HAT1: variants seen among roughly 807,000 people sequenced by gnomAD.
HAT1 encodes histone acetyltransferase type B catalytic subunit.
A neutral mutation model predicts 56.6 loss-of-function variants in HAT1; 20 were observed. The observed-to-expected ratio is 0.35, with a 90% CI of 0.25 to 0.51. The LOEUF is 0.51. Ranked by LOEUF, HAT1 falls within the 20% of genes least tolerant of loss-of-function variation. HAT1 has a pLI of 0.95. For missense variants in HAT1, 408 were observed against 504.3 expected (o/e 0.81, Z 1.83); for synonymous variants, 146 against 165.5 (o/e 0.88, Z 0.91).
intron 3 of HAT1, among the ~76,000 whole-genome samples, chr2:171,947,611 G>T (rs10176718): frequency 6.6e-5 from 10 of 152,206 alleles, no homozygotes; most frequent in Admixed American, 2.0e-4. Context: ...AGGCGCAGTG[G>T]CTCATGCCTG....
At position 171,952,886 on chromosome 2, in the gene HAT1, C is replaced by A; in HGVS notation, c.194C>A (p.Thr65Asn). 19 of 1,577,624 alleles carry A rather than the reference C, an allele frequency of 1.2e-5. No homozygotes were observed. The highest frequency in any genetic ancestry group is 1.6e-5 in the Non-Finnish European group (19 of 1,162,306). Reference sequence around the variant, plus strand: ...TGCTATTTTTTCCATTTCAGTGAAACTGCTTTTGGTTACAAGGGTCTAAAG... The same window carrying A: ...TGCTATTTTTTCCATTTCAGTGAAAATGCTTTTGGTTACAAGGGTCTAAAG... ...YTHQLFGDDE[T>N]AFGYKGLKIL... Residue 65 changes from threonine to asparagine, a missense_variant, in exon 4 of 11, where the codon ACT becomes AAT. Transcript: ENST00000264108.
intron 6 of HAT1, 176 bp from the exon 7 acceptor site, chr2:171,966,232 AG>A: frequency 3.1e-6 from 2 of 637,192 alleles, no homozygotes; most frequent in Non-Finnish European, 5.7e-6. Flanking sequence ...GATTTATCCA[AG>A]TTGCTGCACA....
intron 2 of HAT1, among the ~76,000 whole-genome samples, chr2:171,938,850 C>T (rs1382421884): frequency 2.0e-5 from 3 of 152,034 alleles, no homozygotes; most frequent in East Asian, 1.9e-4. Flanking sequence ...AAGTGATTCT[C>T]GTGCCTCAGC....
chr2:171,922,979 C>G (rs1433885102), intron 1 of HAT1: 1 of 158,496 alleles, frequency 6.3e-6, no homozygotes, highest in Admixed American at 6.5e-5. Context: ...CTGCCTTGCC[C>G]TGCTCTGGCG....
At chr2:171,954,224 A>C (rs1444135625) in intron 4 of HAT1, among the ~76,000 whole-genome samples, 1 of 152,144 alleles carries the variant, frequency 6.6e-6, no homozygotes, top group African/African-American at 2.4e-5. Context: ...GAAATAGCTA[A>C]ATTTTCCACT....
chr2:171,956,201 A>T (rs947324985), intron 4 of HAT1, among the ~76,000 whole-genome samples: 3 of 147,534 alleles, frequency 2.0e-5, no homozygotes, highest in Non-Finnish European at 4.5e-5. Flanking sequence ...AAAAAAAAAA[A>T]GGCCAGGCTT....
At chr2:171,940,056 C>T (rs928173945) in intron 2 of HAT1, among the ~76,000 whole-genome samples, 2 of 152,142 alleles carry the variant, frequency 1.3e-5, no homozygotes, top group Non-Finnish European at 2.9e-5. Flanking sequence ...AGGCATGAAC[C>T]ACTGCGTCTG....
intron 8 of HAT1, among the ~76,000 whole-genome samples, chr2:171,975,862 C>T (rs897996203): frequency 6.6e-6 from 1 of 151,022 alleles, no homozygotes; most frequent in Non-Finnish European, 1.5e-5. Context: ...GATTTCTACT[C>T]TATTATTATT....
Position 171,979,369 on chromosome 2 carries a change from A to T in HAT1, c.1092+6A>T. On this transcript the variant is annotated splice_donor_region_variant and intron_variant, in intron 10 of 10. Coordinates refer to ENST00000264108, the MANE Select transcript of HAT1 (RefSeq NM_003642.4). ...GACTAATTAGCCCATATAAGGTAGG[A>T]CTTTCAAGAATCTTAAACACTGTAT... The T allele has an allele frequency of 7.7e-7, 1 of 1,296,860 alleles. No individual in the cohort carries two copies. Among genetic ancestry groups the T allele is most frequent in the Non-Finnish European group, 1.1e-6 (1 of 890,082 alleles). The allele number at this position is 1,296,860 out of a possible 1,614,324, so 80.3% of individuals were successfully genotyped here.
chr2:171,972,562 C>T (rs1276339048), intron 8 of HAT1, among the ~76,000 whole-genome samples: 2 of 152,218 alleles, frequency 1.3e-5, no homozygotes, highest in African/African-American at 4.8e-5. Context: ...CTGCACCTGG[C>T]CTGGCACACA....
intron 4 of HAT1, among the ~76,000 whole-genome samples, chr2:171,953,630 A>G (rs1687368148): frequency 2.5e-5 from 1 of 39,802 alleles, no homozygotes; most frequent in African/African-American, 7.9e-5. Flanking sequence ...GTCTCTTAAA[A>G]AAAAAAAAAA....
At chr2:171,930,306 G>C (rs1238005280) in intron 2 of HAT1, among the ~76,000 whole-genome samples, 1 of 151,980 alleles carries the variant, frequency 6.6e-6, no homozygotes, top group Non-Finnish European at 1.5e-5. Flanking sequence ...CGAGTAGCTG[G>C]GACTCCGCAT....
chr2:171,929,881 T>C (rs531285026), intron 2 of HAT1, among the ~76,000 whole-genome samples: 1 of 152,364 alleles, frequency 6.6e-6, no homozygotes, highest in South Asian at 2.1e-4. Flanking sequence ...CTTTATTTTT[T>C]AAAGATTGTT....
intron 7 of HAT1, 125 bp from the exon 8 acceptor site, chr2:171,966,718 T>C (rs1312078536): frequency 3.2e-6 from 2 of 634,762 alleles, no homozygotes; most frequent in Non-Finnish European, 2.8e-6. Context: ...TTTTTGGGTA[T>C]CTCAAAGGTG....
intron 2 of HAT1, among the ~76,000 whole-genome samples, chr2:171,937,187 A>G (rs1196615663): frequency 6.6e-6 from 1 of 152,094 alleles, no homozygotes; most frequent in Non-Finnish European, 1.5e-5. Context: ...ACTCTTATGT[A>G]TTTATTAAAC....
intron 2 of HAT1, among the ~76,000 whole-genome samples, chr2:171,938,027 T>A (rs957353821): frequency 6.6e-5 from 3 of 45,266 alleles, no homozygotes; most frequent in African/African-American, 2.2e-4. Flanking sequence ...CTACTGATTC[T>A]CTCTCTCTCT....
intron 4 of HAT1, among the ~76,000 whole-genome samples, chr2:171,959,743 A>T (rs1324661913): frequency 6.6e-6 from 1 of 152,226 alleles, no homozygotes; most frequent in African/African-American, 2.4e-5. Context: ...ACAGTGGCAG[A>T]CAAAGTCATG....
At chr2:171,949,634 ACTGCACTCCAGC>A (rs1687254089) in intron 3 of HAT1, among the ~76,000 whole-genome samples, 1 of 149,974 alleles carries the variant, frequency 6.7e-6, no homozygotes, top group Non-Finnish European at 1.5e-5. Context: ...AGATTGCGCC[ACTGCACTCCAGC>A]CTGGGCAACA....
At chr2:171,983,147 T>C in intron 10 of HAT1, 38 bp from the exon 11 acceptor site, 1 of 1,295,084 alleles carries the variant, frequency 7.7e-7, no homozygotes. Context: ...GAAATATATT[T>C]ACTTTCTTCG....
Sources: allele counts gnomAD v4.1 joint callset (sites outside exome capture counted in the v4.1 genomes callset), GRCh38; gene constraint gnomAD v4.1.1; transcripts MANE v1.5; gene names NCBI Gene and HGNC (gene_info 2026-07-23, HGNC 2026-07-21).